Variants in CCDC125 observed in about 807,000 individuals in gnomAD.
CCDC125 encodes coiled-coil domain containing 125.
A neutral mutation model predicts 57.4 loss-of-function variants in CCDC125; 43 were observed. The observed-to-expected ratio is 0.75, with a 90% CI of 0.59 to 0.97. The LOEUF is 0.97. Among genes scored for constraint, CCDC125 ranks in the 50% least tolerant of loss-of-function variants. The pLI, the probability that CCDC125 is intolerant of heterozygous loss-of-function variation, is 0.00. For missense variants in CCDC125, 563 were observed against 595.7 expected, an observed-to-expected ratio of 0.95 and a Z score of 0.57; for synonymous variants, 187 against 195.2, an observed-to-expected ratio of 0.96 and a Z score of 0.35.
In CCDC125 at chr5:69,320,429, C is replaced by A; in HGVS notation, c.112G>T (p.Gly38Trp). 1 of 1,614,014 alleles carries A rather than the reference C, an allele frequency of 6.2e-7. No homozygotes were observed. The highest frequency in any genetic ancestry group is 8.5e-7 in the Non-Finnish European group (1 of 1,179,972). Residue 38 changes from glycine (G) to tryptophan (W), a missense_variant, in exon 2 of 12, where the codon GGG (glycine) becomes TGG (tryptophan). Coordinates refer to ENST00000396496, the MANE Select transcript of CCDC125 (RefSeq NM_176816.5). ...TGTGAAAATTCTATTTCATAAATCC[C>A]ACCAGGTTTCCTTCCGAGGCCATAC... ...LGYGLGRKPG[G>W]IYEIEFSHRS...
In CCDC125 at chr5:69,282,386, AC is replaced by A. The variant is rs1752562342; in HGVS notation, c.*342del. 1.1e-5 allele frequency: 2 copies of A among 179,120 alleles called. No individual in the cohort carries two copies. Among genetic ancestry groups the A allele is most frequent in the African/African-American group, 2.4e-5 (1 of 41,980 alleles). 11.1% of individuals were successfully genotyped at this position (179,120 alleles called of 1,614,324 possible). ...AGATCAGCCTGGCTAACATGGTAAA[AC>A]CCCGTCTCTACTAAAAATACAAAAA... On this transcript the variant is annotated 3_prime_UTR_variant, in exon 12 of 12. Coordinates refer to ENST00000396496, the MANE Select transcript of CCDC125 (RefSeq NM_176816.5).
intron 1 of CCDC125, among the ~76,000 whole-genome samples, chr5:69,323,208 C>A (rs1760310108): frequency 6.6e-6 from 1 of 151,622 alleles, no homozygotes; most frequent in African/African-American, 2.4e-5. Context: ...ACTCAGGAGG[C>A]TGAGGCAGAA....
intron 10 of CCDC125, among the ~76,000 whole-genome samples, chr5:69,289,109 C>T (rs1753988564): frequency 6.6e-6 from 1 of 152,250 alleles, no homozygotes; most frequent in African/African-American, 2.4e-5. Context: ...GCCTTGCAGG[C>T]AGGTGACAGG....
chr5:69,313,549 G>C (rs942034767), intron 3 of CCDC125: 2 of 763,292 alleles, frequency 2.6e-6, no homozygotes, highest in African/African-American at 3.4e-5. Flanking sequence ...AAGGGGCACA[G>C]ACTCAGTGGC....
At chr5:69,296,062 A>G (rs1019809045) in intron 8 of CCDC125, among the ~76,000 whole-genome samples, 1 of 151,612 alleles carries the variant, frequency 6.6e-6, no homozygotes, top group Non-Finnish European at 1.5e-5. Context: ...TTGTATTTTT[A>G]AAGTAGAGAC....
chr5:69,309,874 G>C (rs1757883762), intron 4 of CCDC125: 1 of 152,274 alleles, frequency 6.6e-6, no homozygotes, highest in Admixed American at 6.5e-5. Context: ...TCTTGCATCA[G>C]TATGACCTGG....
At position 69,285,332 on chromosome 5, in the gene CCDC125, C is replaced by T. The variant is rs1292001390; in HGVS notation, c.1230+5G>A. 4 of 1,608,172 alleles carry T rather than the reference C, an allele frequency of 2.5e-6. No homozygotes were observed. The highest frequency in any genetic ancestry group is 3.4e-6 in the Non-Finnish European group (4 of 1,178,536). On this transcript the variant is annotated splice_donor_5th_base_variant and intron_variant, in intron 11 of 11. Transcript: ENST00000396496. The stretch of plus-strand genomic sequence containing the variant: ...TAACCTGCAAAAAAAAGCAAAGACA[C>T]TAACCAAATCTATGAGCATCTTAAG...
At chr5:69,299,409 T>A (rs910779842) in intron 8 of CCDC125, among the ~76,000 whole-genome samples, 3 of 152,198 alleles carry the variant, frequency 2.0e-5, no homozygotes, top group Admixed American at 6.6e-5. Context: ...GTGCCCGGCC[T>A]TCTTAAGTTC....
At chr5:69,322,029 C>T (rs972814237) in intron 1 of CCDC125, among the ~76,000 whole-genome samples, 10 of 151,828 alleles carry the variant, frequency 6.6e-5, no homozygotes, top group Non-Finnish European at 1.2e-4. Context: ...TTAGTAGAGA[C>T]GGGGTTTCTC....
At chr5:69,317,923 T>A (rs1306353036) in intron 2 of CCDC125, among the ~76,000 whole-genome samples, 1 of 150,950 alleles carries the variant, frequency 6.6e-6, no homozygotes, top group Non-Finnish European at 1.5e-5. Flanking sequence ...CTGCTTGAGG[T>A]CAGGAGTTTG....
chr5:69,314,409 G>A (rs1207907915), intron 2 of CCDC125, among the ~76,000 whole-genome samples: 1 of 151,468 alleles, frequency 6.6e-6, no homozygotes. Flanking sequence ...AGGTTGCAGT[G>A]AGCGGAGATC....
chr5:69,292,572 T>C (rs896270478), intron 9 of CCDC125, among the ~76,000 whole-genome samples: 2 of 152,206 alleles, frequency 1.3e-5, no homozygotes, highest in African/African-American at 4.8e-5. Context: ...TCCCTTGTGG[T>C]GCCTGTCAAC....
intron 2 of CCDC125, among the ~76,000 whole-genome samples, chr5:69,319,948 T>G (rs1330369103): frequency 6.6e-6 from 1 of 151,932 alleles, no homozygotes; most frequent in African/African-American, 2.4e-5. Context: ...TGGTGAAACC[T>G]CGCCTCTACT....
intron 8 of CCDC125, among the ~76,000 whole-genome samples, chr5:69,299,050 T>C (rs763980233): frequency 6.6e-6 from 1 of 152,210 alleles, no homozygotes; most frequent in Admixed American, 6.5e-5. Context: ...CATCTGAACT[T>C]GCTCAGGACT....
At chr5:69,320,671 T>C in intron 1 of CCDC125, 91 bp from the exon 2 acceptor site, 1 of 635,150 alleles carries the variant, frequency 1.6e-6, no homozygotes, top group Non-Finnish European at 2.8e-6. Context: ...GAAATCAGTA[T>C]GTCAAAGAGA....
intron 1 of CCDC125, among the ~76,000 whole-genome samples, chr5:69,328,177 T>C (rs1326506046): frequency 6.6e-6 from 1 of 152,228 alleles, no homozygotes; most frequent in Admixed American, 6.5e-5. Context: ...ATTATAGGCG[T>C]GAGCCACCAA....
intron 11 of CCDC125, among the ~76,000 whole-genome samples, chr5:69,284,118 TAA>T (rs372595463): frequency 1.2e-4 from 18 of 149,022 alleles, no homozygotes; most frequent in African/African-American, 4.2e-4. Context: ...AATAATTTTT[TAA>T]AAAAAAAAAC....
At chr5:69,308,227 G>C (rs1432827857) in intron 4 of CCDC125, 199 bp from the exon 5 acceptor site, 2 of 586,766 alleles carry the variant, frequency 3.4e-6, no homozygotes, top group Admixed American at 3.0e-5. Flanking sequence ...AATGAATGTG[G>C]GAATTAATGG....
intron 9 of CCDC125, 144 bp downstream of exon 9, chr5:69,294,649 G>A (rs1376699168): frequency 4.3e-6 from 3 of 699,492 alleles, no homozygotes; most frequent in Admixed American, 2.5e-5. Context: ...CAGTTGATAA[G>A]TTGATGCTAT....
Sources: gnomAD v4.1 joint callset for allele counts (sites outside exome capture counted in the v4.1 genomes callset) on GRCh38, gnomAD v4.1.1 for gene constraint, MANE v1.5 for transcripts, NCBI Gene and HGNC (gene_info 2026-07-23, HGNC 2026-07-21) for gene names.